SNX27: variants seen among roughly 807,000 people sequenced by gnomAD.
The protein encoded by SNX27 is sorting nexin 27.
A neutral mutation model predicts 71.6 loss-of-function variants in SNX27; 22 were observed. That is an observed-to-expected ratio of 0.31 (90% CI 0.22 to 0.44). The LOEUF is 0.44. Among genes scored for constraint, SNX27 ranks in the 20% least tolerant of loss-of-function variants. The probability of loss-of-function intolerance (pLI) is 1.00; values close to 1 mark genes in which losing one functional copy is unlikely to be tolerated. For synonymous variants in SNX27, 269 were observed against 277.2 expected (o/e 0.97, Z 0.29); for missense variants, 531 against 698.6 (o/e 0.76, Z 2.70).
chr1:151,673,997 C>A (rs1207246602), intron 7 of SNX27, among the ~76,000 whole-genome samples: 1 of 152,050 alleles, frequency 6.6e-6, no homozygotes, highest in East Asian at 1.9e-4. Context: ...TATTCAGCCA[C>A]TGTATGTCTG....
chr1:151,688,325 T>C (rs2102734194), intron 8 of SNX27, among the ~76,000 whole-genome samples: 2 of 152,280 alleles, frequency 1.3e-5, no homozygotes, highest in East Asian at 1.9e-4. Flanking sequence ...AATATCCTTA[T>C]GTAAACATGC....
At chr1:151,692,341 A>G in intron 8 of SNX27, 94 bp from the exon 9 acceptor site, 2 of 1,383,714 alleles carry the variant, frequency 1.4e-6, no homozygotes, top group Non-Finnish European at 1.9e-6. Context: ...TTTTTCTTGC[A>G]CCACATCTCA....
Position 151,656,313 on chromosome 1 carries a change from G to T in SNX27, c.544-1922G>T, listed in dbSNP as rs139128787. On this transcript the variant is annotated intron_variant, in intron 2 of 11. Coordinates refer to ENST00000458013, the MANE Select transcript of SNX27 (RefSeq NM_001330723.2). ...GAAACAGATTATGTCAATATATAAA[G>T]AACTCCATAAATCAAATCAATAAGA... 1.8e-3 allele frequency among the ~76,000 whole-genome samples: 261 copies of T among 147,524 alleles called. 4 individuals are homozygous for T. Among genetic ancestry groups the T allele is most frequent in the Middle Eastern group, 0.014 (4 of 286 alleles).
Position 151,612,416 on chromosome 1 carries a change from G to C in SNX27, c.215G>C (p.Gly72Ala). The C allele has an allele frequency of 6.6e-7, 1 of 1,509,024 alleles. No homozygotes were observed. Among genetic ancestry groups the C allele is most frequent in the Non-Finnish European group, 8.8e-7 (1 of 1,130,876 alleles). 93.5% of individuals were successfully genotyped at this position (1,509,024 alleles called of 1,614,324 possible). ...SEGGQLRSIN[G>A]ELYAPLQHVS... Reference sequence around the variant, plus strand: ...GGCGGGCAACTGCGGAGCATCAACGGGGAGCTGTACGCGCCGCTGCAGCAT... The same window carrying C: ...GGCGGGCAACTGCGGAGCATCAACGCGGAGCTGTACGCGCCGCTGCAGCAT... Residue 72 changes from glycine (G) to alanine (A), a missense_variant, in exon 1 of 12, where the codon GGG (glycine) becomes GCG (alanine). Gly to Ala is a moderately conservative substitution (Grantham distance 60, BLOSUM62 0). Transcript: ENST00000458013. This position sits in a 1 kb window ranked among gnomAD's most constrained non-coding sequence, Gnocchi z 5.2.
At chr1:151,681,475 C>T (rs1269718100) in intron 7 of SNX27, among the ~76,000 whole-genome samples, 5 of 152,036 alleles carry the variant, frequency 3.3e-5, no homozygotes, top group Middle Eastern at 3.4e-3. Context: ...ATCTCCTGAC[C>T]TCGTGATCCA....
At chr1:151,684,577 T>C (rs776539632) in intron 8 of SNX27, among the ~76,000 whole-genome samples, 6 of 152,248 alleles carry the variant, frequency 3.9e-5, no homozygotes, top group Non-Finnish European at 7.3e-5. Context: ...TCTTGGCAGA[T>C]TCACATGCAG....
chr1:151,687,828 G>T (rs1671249865), intron 8 of SNX27, among the ~76,000 whole-genome samples: 1 of 151,832 alleles, frequency 6.6e-6, no homozygotes, highest in African/African-American at 2.4e-5. Context: ...GGCGCCTGTA[G>T]TCCCAGCTAC....
intron 1 of SNX27, among the ~76,000 whole-genome samples, chr1:151,628,071 A>G (rs923096375): frequency 7.4e-5 from 11 of 148,412 alleles, no homozygotes; most frequent in Non-Finnish European, 1.5e-4. Flanking sequence ...CAGTGGTGCA[A>G]TCTTGGCTCA....
intron 7 of SNX27, among the ~76,000 whole-genome samples, chr1:151,682,644 A>G (rs1053931926): frequency 3.9e-5 from 6 of 152,160 alleles, no homozygotes; most frequent in African/African-American, 1.4e-4. Context: ...GCCTCAGGAA[A>G]CTTACAATCA....
chr1:151,655,993 G>A (rs1158746360), intron 2 of SNX27, among the ~76,000 whole-genome samples: 1 of 152,114 alleles, frequency 6.6e-6, no homozygotes, highest in African/African-American at 2.4e-5. Flanking sequence ...GGAGGCCGAG[G>A]CGGGTGGATC....
At chr1:151,693,371 C>T in intron 10 of SNX27, 53 bp from the exon 11 acceptor site, 1 of 1,548,916 alleles carries the variant, frequency 6.5e-7, no homozygotes, top group Non-Finnish European at 8.9e-7. Context: ...AAGGCACAGT[C>T]CTGAGATGCC....
In SNX27 at chr1:151,617,901, T is replaced by TA. The variant is rs1232484231; in HGVS notation, c.311+5392dup. On this transcript the variant is annotated intron_variant, in intron 1 of 11. Transcript: ENST00000458013. The stretch of plus-strand genomic sequence containing the variant: ...CTGTTTTTTTTTTTTTTTTTTTTTT[T>TA]AAAGAGATAGGAGTCTCACTATGTT... 4.3e-5 allele frequency among the ~76,000 whole-genome samples: 3 copies of TA among 69,670 alleles called. No homozygotes were observed. The East Asian group carries it at 1.0e-3, about 23-fold the overall frequency. The allele number at this position is 69,670 out of a possible 152,430, so 45.7% of individuals were successfully genotyped here.
intron 1 of SNX27, among the ~76,000 whole-genome samples, chr1:151,637,846 A>T (rs1668538998): frequency 6.6e-6 from 1 of 152,256 alleles, no homozygotes; most frequent in East Asian, 1.9e-4. Flanking sequence ...GGTTTGGAAC[A>T]GGACTGAAAA....
At chr1:151,694,112 G>A in intron 11 of SNX27, 4 of 1,265,508 alleles carry the variant, frequency 3.2e-6, no homozygotes, top group Non-Finnish European at 4.0e-6. Context: ...TTTTCCCTCT[G>A]TGTAATTTTG....
Position 151,642,456 on chromosome 1 carries a change from C to T in SNX27, c.543+3337C>T, listed in dbSNP as rs146340447. 5.6e-3 allele frequency among the ~76,000 whole-genome samples: 851 copies of T among 151,556 alleles called. 7 individuals are homozygous for T. The highest frequency in any genetic ancestry group is 0.02 in the African/African-American group (816 of 41,370). Reference sequence around the variant, plus strand: ...GCCTTTTCATTTTTTAAAACAGTATCTTTCAAGGAACAGAAATTTTAAATT... The same window carrying T: ...GCCTTTTCATTTTTTAAAACAGTATTTTTCAAGGAACAGAAATTTTAAATT... On this transcript the variant is annotated intron_variant, in intron 2 of 11. Coordinates refer to ENST00000458013, the MANE Select transcript of SNX27 (RefSeq NM_001330723.2).
intron 11 of SNX27, chr1:151,694,108 C>G (rs1571883224): frequency 2.4e-6 from 3 of 1,253,444 alleles, no homozygotes; most frequent in Admixed American, 3.8e-5. Context: ...TTTTTTTTCC[C>G]TCTGTGTAAT....
At chr1:151,654,842 T>C (rs372493881) in intron 2 of SNX27, among the ~76,000 whole-genome samples, 1 of 152,178 alleles carries the variant, frequency 6.6e-6, no homozygotes. Flanking sequence ...ACGAGAGTTT[T>C]GCCATTACCT....
At chr1:151,683,511 G>C in intron 8 of SNX27, 66 bp downstream of exon 8, 1 of 1,245,856 alleles carries the variant, frequency 8.0e-7, no homozygotes, top group South Asian at 1.4e-5. Flanking sequence ...TATAGTCCTA[G>C]TCATTTTTGA....
At chr1:151,652,248 C>CGGAGAG (rs1178346977) in intron 2 of SNX27, among the ~76,000 whole-genome samples, 178 of 68,924 alleles carry the variant, frequency 2.6e-3, no homozygotes, top group Non-Finnish European at 3.6e-3. Flanking sequence ...GAGAGGGAGA[C>CGGAGAG]GGAGAGGGAG....
Sources: gnomAD v4.1 joint callset for allele counts (sites outside exome capture counted in the v4.1 genomes callset) on GRCh38, gnomAD v4.1.1 for gene constraint, Gnocchi (gnomAD v3.1) non-coding constraint, MANE v1.5 for transcripts, NCBI Gene and HGNC (gene_info 2026-07-23, HGNC 2026-07-21) for gene names.